The following DCAF8 variants were observed in gnomAD, a reference collection of about 807,000 sequenced individuals.
DCAF8 encodes the protein DDB1- and CUL4-associated factor 8.
DCAF8 carries 20 observed loss-of-function variants against 68.0 expected under a neutral mutation model. That is an observed-to-expected ratio of 0.29 (90% CI 0.21 to 0.43). DCAF8 has a LOEUF of 0.43. DCAF8 is among the 20% of genes least tolerant of loss of function. The pLI is 1.00. For missense variants in DCAF8, 460 were observed against 771.0 expected, an observed-to-expected ratio of 0.60 and a Z score of 4.78; for synonymous variants, 230 against 276.9, an observed-to-expected ratio of 0.83 and a Z score of 1.68.
At chr1:160,221,450 T>A (rs1304581541) in intron 11 of DCAF8, among the ~76,000 whole-genome samples, 2 of 152,128 alleles carry the variant, frequency 1.3e-5, no homozygotes, top group Non-Finnish European at 2.9e-5. Context: ...AAACCCTAGA[T>A]CTATGCAGGT....
Position 160,225,638 on chromosome 1 carries a change from C to G in DCAF8, c.1096G>C (p.Glu366Gln). ...VRIYDQRKIDENENNGVLKKF... is the reference protein window; with the variant it reads ...VRIYDQRKIDQNENNGVLKKF... ...TTGAGTACTCCATTGTTCTCATTCT[C>G]ATCAATTTTCCTCTGGTCATAAATC... Residue 366 changes from glutamate (E) to glutamine (Q), a missense_variant, in exon 8 of 14, where the codon GAG becomes CAG. Around this residue, in one of 8 missense-constraint regions of DCAF8, gnomAD observed 170 missense variants for 318.2 expected, o/e 0.53. Coordinates refer to ENST00000368074, the MANE Select transcript of DCAF8 (RefSeq NM_015726.4). 1 of 1,613,572 alleles carries G rather than the reference C, an allele frequency of 6.2e-7. No homozygotes were observed. The highest frequency in any genetic ancestry group is 8.5e-7 in the Non-Finnish European group (1 of 1,179,592).
intron 3 of DCAF8, among the ~76,000 whole-genome samples, chr1:160,241,059 G>A (rs1269243353): frequency 6.6e-6 from 1 of 152,166 alleles, no homozygotes; most frequent in Non-Finnish European, 1.5e-5. Context: ...GGATGAGGCA[G>A]TAGAATGGCA....
intron 7 of DCAF8, among the ~76,000 whole-genome samples, chr1:160,227,894 ACT>A (rs1655532296): frequency 6.6e-6 from 1 of 151,854 alleles, no homozygotes; most frequent in Non-Finnish European, 1.5e-5. Context: ...TTTATATTTT[ACT>A]TTTAGTTATT....
intron 2 of DCAF8, among the ~76,000 whole-genome samples, chr1:160,251,114 T>C (rs1656575026): frequency 2.6e-5 from 4 of 152,188 alleles, no homozygotes; most frequent in African/African-American, 9.7e-5. Context: ...CATATTTAAA[T>C]GAGACAAGGT....
chr1:160,231,548 CTGTT>C, intron 6 of DCAF8, 141 bp from the exon 7 acceptor site: 1 of 651,036 alleles, frequency 1.5e-6, no homozygotes, highest in East Asian at 2.8e-5. Context: ...TGTGTTTTCT[CTGTT>C]TGTTTTGTAC....
chr1:160,256,901 A>AT (rs1416397858), intron 2 of DCAF8, among the ~76,000 whole-genome samples: 1 of 151,922 alleles, frequency 6.6e-6, no homozygotes, highest in Middle Eastern at 3.2e-3. Flanking sequence ...AGAGGTAGAG[A>AT]TAAAAAAAAA....
At chr1:160,248,335 A>G (rs1329888487) in intron 2 of DCAF8, among the ~76,000 whole-genome samples, 2 of 152,192 alleles carry the variant, frequency 1.3e-5, no homozygotes, top group East Asian at 3.9e-4. Context: ...AATATCTCCA[A>G]GAGATACTGT....
rs1655112031 is a variant in DCAF8 at position 160,216,241 on chromosome 1, A to T, written c.*1351T>A. ...CTCTTCTATAAAGAAGGGAACTGGC[A>T]TGAAGTTGGATGGCTTAATGATCAA... On this transcript the variant is annotated 3_prime_UTR_variant, in exon 14 of 14. Coordinates refer to ENST00000368074, the MANE Select transcript of DCAF8 (RefSeq NM_015726.4). 3 of 152,136 alleles carry T rather than the reference A, an allele frequency of 2.0e-5. No individual in the cohort carries two copies. The South Asian group carries it at 6.2e-4, about 32-fold the overall frequency. 9.4% of individuals were successfully genotyped at this position (152,136 alleles called of 1,614,324 possible).
At chr1:160,236,404 A>G (rs1277589346) in intron 6 of DCAF8, among the ~76,000 whole-genome samples, 4 of 151,122 alleles carry the variant, frequency 2.6e-5, no homozygotes, top group Non-Finnish European at 4.4e-5. Context: ...GTACATGTGT[A>G]TATGTGTGTG....
intron 2 of DCAF8, among the ~76,000 whole-genome samples, chr1:160,258,750 T>C (rs1242476595): frequency 5.6e-5 from 1 of 17,852 alleles, no homozygotes; most frequent in Non-Finnish European, 9.8e-5. Flanking sequence ...ACCCTATCTC[T>C]ACAAAAATAA....
At chr1:160,232,015 A>AC (rs1485174881) in intron 6 of DCAF8, among the ~76,000 whole-genome samples, 1 of 152,034 alleles carries the variant, frequency 6.6e-6, no homozygotes, top group Non-Finnish European at 1.5e-5. Flanking sequence ...ACATGGCGAG[A>AC]CCCCATCTCT....
At chr1:160,257,849 G>A (rs1656900104) in intron 2 of DCAF8, among the ~76,000 whole-genome samples, 1 of 152,120 alleles carries the variant, frequency 6.6e-6, no homozygotes. Flanking sequence ...TCCCACCTCA[G>A]CCTCCCAAGG....
chr1:160,244,334 T>C (rs992678407), intron 2 of DCAF8, among the ~76,000 whole-genome samples: 5 of 152,180 alleles, frequency 3.3e-5, no homozygotes, highest in Non-Finnish European at 5.9e-5. Context: ...AAATAAAACC[T>C]GGAACAGGAG....
chr1:160,222,670 TC>T lies in DCAF8; in HGVS notation c.1420del (p.Glu474ArgfsTer8). 6.2e-7 allele frequency: 1 copy of T among 1,614,046 alleles called. No individual in the cohort carries two copies. The highest frequency in any genetic ancestry group is 1.3e-5 in the African/African-American group (1 of 75,026). On this transcript the variant is annotated frameshift_variant, in exon 11 of 14. Coordinates refer to ENST00000368074, the MANE Select transcript of DCAF8 (RefSeq NM_015726.4). LOFTEE classifies it high-confidence loss of function. ...ACTCACCACGCCTCCCTTGTCCCCC[TC>T]CATGAACTGAATAATCTGGCAGGAT... ...KSSCQIIQFM[E>X]GDKGGVVNCL...
intron 2 of DCAF8, among the ~76,000 whole-genome samples, chr1:160,257,299 A>T (rs1656874722): frequency 6.6e-6 from 1 of 152,080 alleles, no homozygotes; most frequent in African/African-American, 2.4e-5. Context: ...TCAATCTCAG[A>T]GACTTAAAAA....
At chr1:160,223,707 G>C (rs180860299) in intron 10 of DCAF8, among the ~76,000 whole-genome samples, 1 of 152,232 alleles carries the variant, frequency 6.6e-6, no homozygotes, top group African/African-American at 2.4e-5. Flanking sequence ...AGACCAGCTT[G>C]GGCAACATGG....
chr1:160,232,419 G>A (rs1655723062), intron 6 of DCAF8, among the ~76,000 whole-genome samples: 1 of 152,072 alleles, frequency 6.6e-6, no homozygotes, highest in African/African-American at 2.4e-5. Flanking sequence ...GAGGTGGGTG[G>A]ATCATGAGGT....
intron 2 of DCAF8, among the ~76,000 whole-genome samples, chr1:160,252,061 AGACTCT>A (rs1656620710): frequency 6.6e-6 from 1 of 152,232 alleles, no homozygotes; most frequent in African/African-American, 2.4e-5. Flanking sequence ...TCTAGCAGGT[AGACTCT>A]AGCTGGGAGT....
chr1:160,219,136 G>A, intron 11 of DCAF8, 168 bp from the exon 12 acceptor site: 3 of 815,322 alleles, frequency 3.7e-6, no homozygotes, highest in Non-Finnish European at 3.8e-6. Flanking sequence ...TGAGGGTAGA[G>A]AAACCAGACA....
Sources: gnomAD v4.1 joint callset for allele counts (sites outside exome capture counted in the v4.1 genomes callset) on GRCh38, gnomAD v4.1.1 for gene constraint, gnomAD v4.1.1 regional missense constraint, MANE v1.5 for transcripts, NCBI Gene and HGNC (gene_info 2026-07-23, HGNC 2026-07-21) for gene names.